Variants in CEP72 observed in about 807,000 individuals in gnomAD.
The protein encoded by CEP72 is centrosomal protein 72.
CEP72 carries 78 observed loss-of-function variants against 65.7 expected under a neutral mutation model. The observed-to-expected ratio is 1.19, with a 90% CI of 0.99 to 1.43. The LOEUF is 1.43. Among genes scored for constraint, CEP72 ranks in the 40% most tolerant of loss-of-function variants. CEP72 has a pLI of 0.00. For missense variants in CEP72, 914 were observed against 832.9 expected, an observed-to-expected ratio of 1.10 and a Z score of -1.20; for synonymous variants, 358 against 351.7, an observed-to-expected ratio of 1.02 and a Z score of -0.20.
chr5:653,114 A>G lies in CEP72; in HGVS notation c.1905A>G (p.Pro635=), dbSNP rs751480261. Residue 635 remains proline (P), a synonymous_variant, in exon 12 of 12, where the codon CCA becomes CCG. Transcript: ENST00000264935. ...QELKKTMALF[P]HSSASHGGCQ... ...TCAAGAAGACCATGGCCCTGTTTCC[A>G]CACAGCAGCGCCAGCCATGGAGGCT... 1 of 1,612,798 alleles carries G rather than the reference A, an allele frequency of 6.2e-7. No homozygotes were observed.
chr5:613,375 C>T (rs962565530), intron 1 of CEP72, among the ~76,000 whole-genome samples: 2 of 150,352 alleles, frequency 1.3e-5, no homozygotes, highest in Non-Finnish European at 3.0e-5. Flanking sequence ...GAGATCTGAG[C>T]GGTTTTTTTT....
chr5:642,178 A>G (rs144823843), intron 9 of CEP72: 214,896 of 930,792 alleles, frequency 0.23, 53,918 homozygotes, highest in Non-Finnish European at 0.25. Context: ...AAGCCTCTGC[A>G]TTTAAACACA....
At chr5:640,313 A>G in intron 8 of CEP72, 95 bp from the exon 9 acceptor site, 2 of 1,523,334 alleles carry the variant, frequency 1.3e-6, no homozygotes, top group Non-Finnish European at 1.8e-6. Flanking sequence ...TTTTTGAGGC[A>G]TCGTCTGTGT....
rs1561030964 is a variant in CEP72, at chr5:623,641, CG to C, written c.404-826del. Among the ~76,000 whole-genome samples, 1 of 143,570 alleles carries C rather than the reference CG, an allele frequency of 7.0e-6. No homozygotes were observed. The highest frequency in any genetic ancestry group is 2.5e-4 in the South Asian group (1 of 4,040). The allele number at this position is 143,570 out of a possible 152,430, so 94.2% of individuals were successfully genotyped here. A position where few individuals can be genotyped will look rare whatever the true frequency, so the allele number is the denominator to read the frequency against. On this transcript the variant is annotated intron_variant, in intron 3 of 11. Transcript: ENST00000264935. The surrounding 1 kb of genome is among the most constrained non-coding windows in gnomAD (Gnocchi z 5.3). ...TCGTTAGTGCGGGGCTGGTGAAGGC[CG>C]GGGTGGAAAGGTTGCGGGAGGGTGG...
At position 640,781 on chromosome 5, in the gene CEP72, T is replaced by A. The variant is rs1737962887; in HGVS notation, c.1539+177T>A. 3.0e-6 allele frequency: 3 copies of A among 985,308 alleles called. No homozygotes were observed. In the Admixed American group the frequency reaches 1.8e-4, roughly 61 times the overall value. The allele number at this position is 985,308 out of a possible 1,614,324, so 61.0% of individuals were successfully genotyped here. ...CCCCCGGAACGCGGCCTGCCCTGTC[T>A]CACAACAGGCCTGGAGCACTTTGGA... On this transcript the variant is annotated intron_variant, in intron 9 of 11. Transcript: ENST00000264935.
rs1339463235 is a variant in CEP72, at chr5:645,113, G to C, written c.1666+688G>C. Among the ~76,000 whole-genome samples the C allele has an allele frequency of 1.3e-5, 2 of 152,052 alleles. No homozygotes were observed. The highest frequency in any genetic ancestry group is 4.8e-5 in the African/African-American group (2 of 41,394). On this transcript the variant is annotated intron_variant, in intron 10 of 11. Transcript: ENST00000264935. The surrounding 1 kb of genome is among the most constrained non-coding windows in gnomAD (Gnocchi z 4.0). ...AAGTCGAGCATCTCTTCCTGGTCTA[G>C]CCTCTCAGGGGCTCATGGACTTTTC...
intron 6 of CEP72, 36 bp downstream of exon 6, chr5:635,620 G>C (rs1377957882): frequency 1.3e-6 from 2 of 1,492,400 alleles, no homozygotes; most frequent in Non-Finnish European, 1.9e-6. Context: ...TTCTGTTGCT[G>C]TAACAGAAAA....
chr5:671,581 C>G (rs988099160), downstream of CEP72, among the ~76,000 whole-genome samples: 1 of 152,230 alleles, frequency 6.6e-6, no homozygotes, highest in South Asian at 2.1e-4. Flanking sequence ...GGGTGCCTGT[C>G]GCCGCACAGT....
At position 623,835 on chromosome 5, in the gene CEP72, C is replaced by G. The variant is rs1736558027; in HGVS notation, c.404-636C>G. ...ATATTATGCTATTACTCACTCATTT[C>G]TTACAGTGATTCTGTAGTTTTTGGG... is the stretch of plus-strand genomic sequence containing the variant. On this transcript the variant is annotated intron_variant, in intron 3 of 11. Transcript: ENST00000264935. This position sits in a 1 kb window ranked among gnomAD's most constrained non-coding sequence, Gnocchi z 5.3. 6.6e-6 allele frequency among the ~76,000 whole-genome samples: 1 copy of G among 152,204 alleles called. No individual in the cohort carries two copies. The highest frequency in any genetic ancestry group is 1.5e-5 in the Non-Finnish European group (1 of 68,038).
At chr5:671,175 C>T (rs11949492), downstream of CEP72, among the ~76,000 whole-genome samples, 1 of 152,052 alleles carries the variant, frequency 6.6e-6, no homozygotes, top group African/African-American at 2.4e-5. Context: ...CGCACTGTCT[C>T]CCTCTGGGCG....
chr5:634,285 G>A (rs1579974764), intron 5 of CEP72, among the ~76,000 whole-genome samples: 1 of 152,228 alleles, frequency 6.6e-6, no homozygotes, highest in African/African-American at 2.4e-5. Flanking sequence ...GGGGGGCATA[G>A]TCACCGAACT....
In CEP72 at chr5:626,985, T is replaced by C. The variant is rs971635484; in HGVS notation, c.512+2406T>C. 1.8e-4 allele frequency among the ~76,000 whole-genome samples: 27 copies of C among 152,380 alleles called. No individual in the cohort carries two copies. The East Asian group carries it at 5.2e-3, about 29-fold the overall frequency. Reference sequence around the variant, plus strand: ...GAGATACTGGCCTGTGGTTTTCTTATATTGCCTTTGTCTGGTTTTGGTTTT... The same window carrying C: ...GAGATACTGGCCTGTGGTTTTCTTACATTGCCTTTGTCTGGTTTTGGTTTT... On this transcript the variant is annotated intron_variant, in intron 4 of 11. Coordinates refer to ENST00000264935, the MANE Select transcript of CEP72 (RefSeq NM_018140.4).
At chr5:612,505 C>T in intron 1 of CEP72, 62 bp downstream of exon 1, 1 of 1,344,288 alleles carries the variant, frequency 7.4e-7, no homozygotes, top group South Asian at 1.8e-5. Flanking sequence ...TGCCGAGCTT[C>T]CCGGGGCGGC....
chr5:639,347 C>T lies in CEP72; in HGVS notation c.1342+123C>T, dbSNP rs1015012049. 8 of 1,151,676 alleles carry T rather than the reference C, an allele frequency of 6.9e-6. No individual in the cohort carries two copies. The African/African-American group carries it at 7.9e-5, about 11-fold the overall frequency. The allele number at this position is 1,151,676 out of a possible 1,614,324, so 71.3% of individuals were successfully genotyped here. A position where few individuals can be genotyped will look rare whatever the true frequency, so the allele number is the denominator to read the frequency against. ...GGTCTCCTATGTCCCCTCCCACGAG[C>T]GTGTGGTGGTCCCGCGCCTGGGCCC... On this transcript the variant is annotated intron_variant, in intron 8 of 11. Transcript: ENST00000264935.
rs796903849 is a variant in CEP72, at chr5:666,185, C to T, written n.592+86C>T. The T allele has an allele frequency of 2.7e-5, 42 of 1,574,396 alleles. No individual in the cohort carries two copies. In the African/African-American group the frequency reaches 2.8e-4, roughly 11 times the overall value. On this transcript the variant is annotated intron_variant and non_coding_transcript_variant, in intron 4 of 4. Transcript: ENST00000514507. ...CCGGCCCAGGGCTGCCCTCCCCACG[C>T]GTGGGTCTGAGCAGAGCTGGACAGC...
chr5:649,922 T>C (rs78910202), intron 11 of CEP72, among the ~76,000 whole-genome samples: 5,965 of 8,954 alleles, frequency 0.67, 1,757 homozygotes, highest in African/African-American at 0.8. Flanking sequence ...GACTGTGAGG[T>C]GTGGACTGTG....
At chr5:636,809 C>CA (rs76828125) in intron 6 of CEP72, among the ~76,000 whole-genome samples, 953 of 54,014 alleles carry the variant, frequency 0.018, 12 homozygotes, top group African/African-American at 0.042. Context: ...GACTCCAACT[C>CA]AAAAAAAAAA....
chr5:656,073 C>T (rs975562427), downstream of CEP72, among the ~76,000 whole-genome samples: 26 of 152,002 alleles, frequency 1.7e-4, no homozygotes, highest in African/African-American at 5.1e-4. Context: ...TAGATTCTAC[C>T]CAGAATTGAT....
In CEP72 at chr5:653,461, A is replaced by T. The variant is rs1739243916; in HGVS notation, c.*308A>T. ...AGTAAATGCAGTGTTCTACTGCCTG[A>T]TGTGAAAGAGAGCTATGTATGATAA... On this transcript the variant is annotated 3_prime_UTR_variant, in exon 12 of 12. Transcript: ENST00000264935. 4.1e-6 allele frequency: 1 copy of T among 241,842 alleles called. No individual in the cohort carries two copies. The allele number at this position is 241,842 out of a possible 1,614,324, so 15.0% of individuals were successfully genotyped here. A position where few individuals can be genotyped will look rare whatever the true frequency, so the allele number is the denominator to read the frequency against.
Sources: gnomAD v4.1 joint callset for allele counts (sites outside exome capture counted in the v4.1 genomes callset) on GRCh38, gnomAD v4.1.1 for gene constraint, Gnocchi (gnomAD v3.1) non-coding constraint, MANE v1.5 for transcripts, NCBI Gene and HGNC (gene_info 2026-07-23, HGNC 2026-07-21) for gene names.